The following GPHN variants were observed in gnomAD, a reference collection of about 807,000 sequenced individuals.
GPHN encodes the protein gephyrin.
GPHN carries 17 observed loss-of-function variants against 95.5 expected under a neutral mutation model. The observed-to-expected ratio is 0.18, with a 90% CI of 0.12 to 0.27. The LOEUF is 0.27. Among genes scored for constraint, GPHN ranks in the 10% least tolerant of loss-of-function variants. The pLI is 1.00. For missense variants in GPHN, 660 were observed against 978.1 expected, an observed-to-expected ratio of 0.67 and a Z score of 4.34; for synonymous variants, 320 against 322.5, an observed-to-expected ratio of 0.99 and a Z score of 0.08.
intron 8 of GPHN, among the ~76,000 whole-genome samples, chr14:66,945,435 G>A (rs909179901): frequency 1.3e-5 from 2 of 152,108 alleles, no homozygotes; most frequent in Admixed American, 6.5e-5. Context: ...AGGATACAAA[G>A]GCATAAGAAT....
the GPHN span, chr14:67,279,564 A>G: frequency 1.3e-6 from 2 of 1,501,982 alleles, no homozygotes; most frequent in African/African-American, 2.8e-5. Flanking sequence ...GTATAACAGA[A>G]AACATTTTGC....
At chr14:67,419,740 T>A in the GPHN span, among the ~76,000 whole-genome samples, 4 of 151,866 alleles carry the variant, frequency 2.6e-5, no homozygotes, top group Admixed American at 2.6e-4. Context: ...TCCCAGCTAC[T>A]CGGGAGGCTG....
chr14:66,565,071 A>G (rs1278110514), intron 1 of GPHN, among the ~76,000 whole-genome samples: 2 of 152,154 alleles, frequency 1.3e-5, no homozygotes, highest in Non-Finnish European at 2.9e-5. Flanking sequence ...CCTCCTAAAA[A>G]TAAAGGATTT....
intron 2 of GPHN, among the ~76,000 whole-genome samples, chr14:66,767,696 G>A (rs2059015509): frequency 6.6e-6 from 1 of 151,934 alleles, no homozygotes; most frequent in Non-Finnish European, 1.5e-5. Flanking sequence ...CAGTAGATGT[G>A]TGAGCCAGCT....
the GPHN span, among the ~76,000 whole-genome samples, chr14:67,646,098 T>C: frequency 2.6e-5 from 4 of 152,316 alleles, no homozygotes; most frequent in South Asian, 6.2e-4. Context: ...GACACACTGA[T>C]CTAGAAGACA....
intron 2 of GPHN, among the ~76,000 whole-genome samples, chr14:66,772,761 T>G (rs2059227688): frequency 6.6e-6 from 1 of 152,198 alleles, no homozygotes; most frequent in Non-Finnish European, 1.5e-5. Flanking sequence ...AATCAAAGAA[T>G]TTTTAGAAGA....
chr14:66,689,032 G>T (rs974473515), intron 2 of GPHN, among the ~76,000 whole-genome samples: 4 of 152,060 alleles, frequency 2.6e-5, no homozygotes. Flanking sequence ...CCTGCATATT[G>T]TGCACATGTA....
intron 1 of GPHN, among the ~76,000 whole-genome samples, chr14:66,605,206 G>T (rs1172737009): frequency 6.6e-6 from 1 of 151,822 alleles, no homozygotes; most frequent in Non-Finnish European, 1.5e-5. Flanking sequence ...TTGCCTTTGG[G>T]TATATACCCA....
At chr14:67,239,500 G>GA in the GPHN span, among the ~76,000 whole-genome samples, 1 of 152,162 alleles carries the variant, frequency 6.6e-6, no homozygotes, top group African/African-American at 2.4e-5. Context: ...ATAAGCTAGA[G>GA]AAAGAAGAAT....
the GPHN span, among the ~76,000 whole-genome samples, chr14:67,653,792 A>G: frequency 3.3e-5 from 5 of 152,250 alleles, no homozygotes; most frequent in African/African-American, 1.2e-4. Context: ...CTTCAAGTGT[A>G]GCCAGCAGAC....
intron 4 of GPHN, among the ~76,000 whole-genome samples, chr14:66,855,830 A>G (rs1238755643): frequency 6.6e-6 from 1 of 152,144 alleles, no homozygotes; most frequent in Non-Finnish European, 1.5e-5. Flanking sequence ...TTACTGCTTA[A>G]TTATGAATAC....
At chr14:67,087,196 C>G (rs2076941874) in intron 11 of GPHN, among the ~76,000 whole-genome samples, 1 of 152,082 alleles carries the variant, frequency 6.6e-6, no homozygotes, top group South Asian at 2.1e-4. Flanking sequence ...AAAAACTCAG[C>G]CCTTGTGCTA....
At chr14:67,095,966 C>CAAAA in intron 12 of GPHN, among the ~76,000 whole-genome samples, 5 of 67,084 alleles carry the variant, frequency 7.5e-5, no homozygotes, top group Admixed American at 1.4e-4. Context: ...AAGAAAAAGG[C>CAAAA]AAAAAAAAAA....
chr14:66,917,908 G>C (rs2065997540), intron 6 of GPHN, among the ~76,000 whole-genome samples: 1 of 152,006 alleles, frequency 6.6e-6, no homozygotes, highest in Admixed American at 6.6e-5. Context: ...AGTGAGTCAG[G>C]GTCTTTCTAG....
chr14:66,897,229 C>T (rs2153544826), intron 5 of GPHN, among the ~76,000 whole-genome samples: 1 of 152,146 alleles, frequency 6.6e-6, no homozygotes, highest in South Asian at 2.1e-4. Context: ...TTTGTTCATT[C>T]TTTCATTTGT....
intron 4 of GPHN, among the ~76,000 whole-genome samples, chr14:66,850,879 G>T (rs2064777): frequency 0.17 from 25,047 of 151,734 alleles, 3,550 homozygotes; most frequent in East Asian, 0.43. Flanking sequence ...ATTTTTTAAA[G>T]GATAATTTAA....
chr14:66,939,989 C>T (rs2067325849), intron 8 of GPHN, among the ~76,000 whole-genome samples: 1 of 152,082 alleles, frequency 6.6e-6, no homozygotes, highest in Non-Finnish European at 1.5e-5. Flanking sequence ...AATCTCGTGT[C>T]CTTTGACCAG....
At chr14:66,870,772 T>A in intron 4 of GPHN, among the ~76,000 whole-genome samples, 1 of 152,196 alleles carries the variant, frequency 6.6e-6, no homozygotes, top group Non-Finnish European at 1.5e-5. Flanking sequence ...AACAAACTGG[T>A]AACATAGAAA....
intron 5 of GPHN, among the ~76,000 whole-genome samples, chr14:66,898,015 A>T (rs1431560320): frequency 1.3e-5 from 2 of 152,062 alleles, no homozygotes; most frequent in Admixed American, 6.6e-5. Flanking sequence ...AATTTTGAGC[A>T]TCTGTTCAGG....
Sources: gnomAD v4.1 joint callset for allele counts (sites outside exome capture counted in the v4.1 genomes callset) on GRCh38, gnomAD v4.1.1 for gene constraint, MANE v1.5 for transcripts, NCBI Gene and HGNC (gene_info 2026-07-23, HGNC 2026-07-21) for gene names.